Variants in CACNA2D1 observed in about 807,000 individuals in gnomAD.
The protein encoded by CACNA2D1 is voltage-dependent calcium channel subunit alpha-2/delta-1.
In CACNA2D1, 53 loss-of-function variants were observed where a neutral mutation model predicts 171.5. That is an observed-to-expected ratio of 0.31 (90% CI 0.25 to 0.39). The LOEUF is 0.39. CACNA2D1 is among the 10% of genes least tolerant of loss of function. The pLI, the probability that CACNA2D1 is intolerant of heterozygous loss-of-function variation, is 1.00. For missense variants in CACNA2D1, 903 were observed against 1,299.8 expected (o/e 0.69, Z 4.69); for synonymous variants, 442 against 443.1 (o/e 1.00, Z 0.03).
chr7:82,016,919 A>G (rs1800554276), intron 12 of CACNA2D1, among the ~76,000 whole-genome samples: 2 of 152,068 alleles, frequency 1.3e-5, no homozygotes, highest in South Asian at 4.1e-4. Flanking sequence ...CTCAATTTTC[A>G]TTTGCCTTGT....
chr7:82,075,321 A>G (rs1808831984), intron 7 of CACNA2D1, among the ~76,000 whole-genome samples: 2 of 152,240 alleles, frequency 1.3e-5, no homozygotes, highest in Admixed American at 6.5e-5. Flanking sequence ...TCTGTCTGTC[A>G]GCAGGAGTAG....
At position 82,072,091 on chromosome 7, in the gene CACNA2D1, A is replaced by G. The variant is rs117837153; in HGVS notation, c.659-5567T>C. On this transcript the variant is annotated intron_variant, in intron 7 of 38. Coordinates refer to ENST00000356860, the MANE Select transcript of CACNA2D1 (RefSeq NM_000722.4). Reference sequence around the variant, plus strand: ...ATGTTTCCTTTGTTATATATTATTAAGTAATTGAATCAGTACCTTGATACA... The same window carrying G: ...ATGTTTCCTTTGTTATATATTATTAGGTAATTGAATCAGTACCTTGATACA... Among the ~76,000 whole-genome samples, 186 of 152,252 alleles carry G rather than the reference A, an allele frequency of 1.2e-3. 1 individual carries two copies. The Middle Eastern group carries it at 0.02, about 17-fold the overall frequency.
At chr7:81,998,911 A>G (rs1562845596) in intron 18 of CACNA2D1, among the ~76,000 whole-genome samples, 2 of 152,148 alleles carry the variant, frequency 1.3e-5, no homozygotes, top group African/African-American at 2.4e-5. Context: ...AGGATACTCT[A>G]AAGTTTACAA....
At chr7:82,436,161 T>C (rs1830104261) in intron 1 of CACNA2D1, among the ~76,000 whole-genome samples, 1 of 152,182 alleles carries the variant, frequency 6.6e-6, no homozygotes. Flanking sequence ...ACGTTAATTG[T>C]TGAATTAAAT....
Position 82,088,162 on chromosome 7 carries a change from T to C in CACNA2D1, c.527-3262A>G, listed in dbSNP as rs141415352. ...GTCAAGTGCTTTTTAAAGTTAAAAG[T>C]TGTTTTTCAGGAGATCTTTTGTTTT... On this transcript the variant is annotated intron_variant, in intron 6 of 38. Transcript: ENST00000356860. Among the ~76,000 whole-genome samples, 253 of 152,306 alleles carry C rather than the reference T, an allele frequency of 1.7e-3. 3 individuals are homozygous for C. The East Asian group carries it at 0.019, about 12-fold the overall frequency.
At chr7:82,099,488 C>CGCCCAG (rs1428214377) in intron 6 of CACNA2D1, among the ~76,000 whole-genome samples, 1 of 37,660 alleles carries the variant, frequency 2.7e-5, no homozygotes, top group African/African-American at 8.5e-5. Flanking sequence ...CTCGCTCTGT[C>CGCCCAG]GCCCAGGCTG....
intron 3 of CACNA2D1, among the ~76,000 whole-genome samples, chr7:82,302,961 A>G (rs1813214526): frequency 6.6e-6 from 1 of 152,140 alleles, no homozygotes; most frequent in Non-Finnish European, 1.5e-5. Flanking sequence ...TGTTGGAGAA[A>G]TGACACAACA....
intron 3 of CACNA2D1, among the ~76,000 whole-genome samples, chr7:82,311,065 A>G (rs1265560267): frequency 6.6e-6 from 1 of 152,100 alleles, no homozygotes; most frequent in Non-Finnish European, 1.5e-5. Context: ...GTATAAATTA[A>G]TATGTGTCCA....
chr7:81,984,814 C>T (rs1211071915), intron 21 of CACNA2D1, 103 bp from the exon 22 acceptor site: 1 of 713,848 alleles, frequency 1.4e-6, no homozygotes, highest in African/African-American at 1.8e-5. Flanking sequence ...AGATCTTCCT[C>T]ATGGGAAGGA....
intron 3 of CACNA2D1, among the ~76,000 whole-genome samples, chr7:82,216,826 ATATCTGT>A (rs1310369871): frequency 6.6e-6 from 1 of 151,534 alleles, no homozygotes; most frequent in Non-Finnish European, 1.5e-5. Flanking sequence ...AAAAGTAAAT[ATATCTGT>A]CAAAAAAATA....
At chr7:82,338,385 G>A (rs756525531) in intron 2 of CACNA2D1, among the ~76,000 whole-genome samples, 1 of 151,720 alleles carries the variant, frequency 6.6e-6, no homozygotes, top group Non-Finnish European at 1.5e-5. Context: ...CCAGGCTGGG[G>A]TGCAATGGCT....
Position 81,974,550 on chromosome 7 carries a change from T to A in CACNA2D1, c.1958A>T (p.Asp653Val). ...ESGYTFIAPR[D>V]YCNDLKISDN... The stretch of plus-strand genomic sequence containing the variant: ...CGATATTTTCAGGTCATTGCAGTAA[T>A]CTCTGAAAAAAAAACATTTTGAGAT... Residue 653 changes from aspartate (D) to valine (V), a missense_variant and splice_region_variant, in exon 25 of 39, where the codon GAT becomes GTT. By Grantham distance (152) the Asp-to-Val change is radical. This residue lies in a region of CACNA2D1 where 623 missense variants were observed against 925.5 expected (regional missense o/e 0.67). Coordinates refer to ENST00000356860, the MANE Select transcript of CACNA2D1 (RefSeq NM_000722.4). The A allele has an allele frequency of 6.8e-7, 1 of 1,460,366 alleles. No homozygotes were observed. The highest frequency in any genetic ancestry group is 9.6e-7 in the Non-Finnish European group (1 of 1,045,218). The allele number at this position is 1,460,366 out of a possible 1,614,324, so 90.5% of individuals were successfully genotyped here.
chr7:82,309,481 G>A (rs555755607), intron 3 of CACNA2D1, among the ~76,000 whole-genome samples: 4 of 136,204 alleles, frequency 2.9e-5, no homozygotes, highest in Non-Finnish European at 6.4e-5. Context: ...TTTTGCCTGG[G>A]TCTACTGGTT....
chr7:82,051,558 T>G (rs78400132), intron 10 of CACNA2D1, among the ~76,000 whole-genome samples: 1 of 152,204 alleles, frequency 6.6e-6, no homozygotes, highest in African/African-American at 2.4e-5. Flanking sequence ...TCAAAGATCC[T>G]TAACATAATC....
At chr7:82,053,483 C>T (rs949210004) in intron 10 of CACNA2D1, among the ~76,000 whole-genome samples, 4 of 151,846 alleles carry the variant, frequency 2.6e-5, no homozygotes, top group African/African-American at 7.3e-5. Flanking sequence ...CAAAAGTGTA[C>T]AGTTAACAAA....
chr7:82,335,020 T>C lies in CACNA2D1; in HGVS notation c.294+115A>G. The C allele has an allele frequency of 3.9e-6, 3 of 764,968 alleles. No individual in the cohort carries two copies. The South Asian group carries it at 4.3e-5, about 11-fold the overall frequency. The allele number at this position is 764,968 out of a possible 1,614,324, so 47.4% of individuals were successfully genotyped here. The stretch of plus-strand genomic sequence containing the variant: ...TCTCATTTTTTATGAACATATCAGA[T>C]GAACACAGTTACTAAGAAGAAGAAC... On this transcript the variant is annotated intron_variant, in intron 3 of 38. Coordinates refer to ENST00000356860, the MANE Select transcript of CACNA2D1 (RefSeq NM_000722.4).
intron 1 of CACNA2D1, among the ~76,000 whole-genome samples, chr7:82,358,567 G>A (rs1223997361): frequency 6.6e-6 from 1 of 152,120 alleles, no homozygotes; most frequent in African/African-American, 2.4e-5. Flanking sequence ...AGAAAAGGAT[G>A]TACTCATGCT....
At chr7:82,290,631 T>C (rs1811404337) in intron 3 of CACNA2D1, among the ~76,000 whole-genome samples, 1 of 151,018 alleles carries the variant, frequency 6.6e-6, no homozygotes, top group Non-Finnish European at 1.5e-5. Context: ...AATTTCGCTC[T>C]TGTTGCCCCA....
At chr7:82,179,985 G>A (rs1184451010) in intron 3 of CACNA2D1, among the ~76,000 whole-genome samples, 6 of 151,594 alleles carry the variant, frequency 4.0e-5, no homozygotes, top group Non-Finnish European at 7.4e-5. Flanking sequence ...GCATACCTTC[G>A]CTGAGACTAG....
Sources: gnomAD v4.1 joint callset for allele counts (sites outside exome capture counted in the v4.1 genomes callset) on GRCh38, gnomAD v4.1.1 for gene constraint, gnomAD v4.1.1 regional missense constraint, MANE v1.5 for transcripts, NCBI Gene and HGNC (gene_info 2026-07-23, HGNC 2026-07-21) for gene names.